DSCAM: variants seen among roughly 807,000 people sequenced by gnomAD.
DSCAM encodes the protein DS cell adhesion molecule, also known as cell adhesion molecule DSCAM.
DSCAM carries 47 observed loss-of-function variants against 217.7 expected under a neutral mutation model. That is an observed-to-expected ratio of 0.22 (90% CI 0.17 to 0.28). The LOEUF (loss-of-function observed/expected upper bound fraction) is 0.28. Ranked by LOEUF, DSCAM falls within the 10% of genes least tolerant of loss-of-function variation. DSCAM has a pLI of 1.00. For missense variants in DSCAM, 2,080 were observed against 2,618.3 expected (o/e 0.79, Z 4.49); for synonymous variants, 1,056 against 1,015.3 (o/e 1.04, Z -0.76).
intron 3 of DSCAM, among the ~76,000 whole-genome samples, chr21:40,428,024 C>T (rs1387658504): frequency 6.6e-6 from 1 of 152,208 alleles, no homozygotes; most frequent in Non-Finnish European, 1.5e-5. Context: ...TCTGGGAGAG[C>T]TCCATCTTTC....
intron 3 of DSCAM, among the ~76,000 whole-genome samples, chr21:40,537,871 A>G (rs1183994530): frequency 6.6e-6 from 1 of 152,184 alleles, no homozygotes; most frequent in East Asian, 1.9e-4. Context: ...TCCTTACAGC[A>G]GCCCCAACAA....
At chr21:40,108,781 G>C (rs1254424113) in intron 20 of DSCAM, among the ~76,000 whole-genome samples, 1 of 152,140 alleles carries the variant, frequency 6.6e-6, no homozygotes, top group Admixed American at 6.5e-5. Context: ...AAAACAGCAT[G>C]GTTCTGGTAC....
Position 40,178,970 on chromosome 21 carries a change from C to T in DSCAM, c.2904G>A (p.Lys968=). 1 of 1,614,078 alleles carries T rather than the reference C, an allele frequency of 6.2e-7. No individual in the cohort carries two copies. Among genetic ancestry groups the T allele is most frequent in the Non-Finnish European group, 8.5e-7 (1 of 1,180,012 alleles). Reference sequence around the variant, plus strand: ...TGGTGAGCTCGTTGCTGGGCTCGCTCTTGCCAATCCGGTTCTTGGCGTACA... The same window carrying T: ...TGGTGAGCTCGTTGCTGGGCTCGCTTTTGCCAATCCGGTTCTTGGCGTACA... ...IRMYAKNRIG[K]SEPSNELTIT... The change falls in exon 15 of 33, where the codon AAG becomes AAA. Residue 968 remains lysine (K), a synonymous_variant. Transcript: ENST00000400454.
intron 11 of DSCAM, among the ~76,000 whole-genome samples, chr21:40,234,848 C>T (rs1554922): frequency 0.51 from 77,135 of 151,870 alleles, 20,573 homozygotes; most frequent in African/African-American, 0.68. Flanking sequence ...TATGTATCCC[C>T]GAAGCCCAGG....
chr21:40,362,358 C>G (rs1326469882), intron 4 of DSCAM, among the ~76,000 whole-genome samples: 1 of 152,076 alleles, frequency 6.6e-6, no homozygotes, highest in Non-Finnish European at 1.5e-5. Context: ...TTAACTTGTT[C>G]CGTTATTGCC....
intron 3 of DSCAM, among the ~76,000 whole-genome samples, chr21:40,602,864 G>A (rs1386291899): frequency 6.6e-6 from 1 of 151,704 alleles, no homozygotes; most frequent in African/African-American, 2.4e-5. Flanking sequence ...TCTTTCTTCT[G>A]CTTGTTTTAG....
chr21:40,165,219 CATAA>C (rs1346082155), intron 16 of DSCAM, among the ~76,000 whole-genome samples: 1 of 152,146 alleles, frequency 6.6e-6, no homozygotes, highest in East Asian at 1.9e-4. Context: ...AATTTTATGC[CATAA>C]ATAAAGGCAT....
At chr21:40,844,887 A>T (rs1392214709) in intron 1 of DSCAM, among the ~76,000 whole-genome samples, 1 of 152,128 alleles carries the variant, frequency 6.6e-6, no homozygotes, top group Non-Finnish European at 1.5e-5. Context: ...ACACTTCCCA[A>T]TGGGGTGCAA....
chr21:40,485,306 G>A (rs557699855), intron 3 of DSCAM, among the ~76,000 whole-genome samples: 7 of 144,826 alleles, frequency 4.8e-5, no homozygotes, highest in South Asian at 2.2e-4. Flanking sequence ...GCAGTGGCGC[G>A]ATCTCGGCTC....
chr21:40,137,596 C>CACACACACACACAT (rs1258768034), intron 18 of DSCAM, among the ~76,000 whole-genome samples: 275 of 5,486 alleles, frequency 0.05, 3 homozygotes, highest in African/African-American at 0.067. Flanking sequence ...CTGTTTAATA[C>CACACACACACACAT]ACACACACAC....
At chr21:40,640,572 G>A (rs575571578) in intron 3 of DSCAM, among the ~76,000 whole-genome samples, 3 of 152,152 alleles carry the variant, frequency 2.0e-5, no homozygotes, top group African/African-American at 7.2e-5. Context: ...TTTAGCTAAT[G>A]GATAACCGAT....
intron 4 of DSCAM, among the ~76,000 whole-genome samples, chr21:40,361,613 A>G (rs2074766168): frequency 6.6e-6 from 1 of 151,408 alleles, no homozygotes; most frequent in Non-Finnish European, 1.5e-5. Flanking sequence ...GTGAGACTCC[A>G]TCTCAAAAAC....
intron 11 of DSCAM, among the ~76,000 whole-genome samples, chr21:40,215,903 G>C (rs957039669): frequency 6.7e-6 from 1 of 148,342 alleles, no homozygotes; most frequent in African/African-American, 2.5e-5. Flanking sequence ...TCTACATTCT[G>C]TATAAAAAAG....
At chr21:40,484,355 G>A (rs1442258430) in intron 3 of DSCAM, among the ~76,000 whole-genome samples, 2 of 152,138 alleles carry the variant, frequency 1.3e-5, no homozygotes, top group Non-Finnish European at 2.9e-5. Context: ...CAGAGATAGA[G>A]GTTAACTGAT....
intron 10 of DSCAM, among the ~76,000 whole-genome samples, chr21:40,291,671 T>C (rs952551021): frequency 1.3e-5 from 2 of 152,172 alleles, no homozygotes; most frequent in Admixed American, 6.5e-5. Context: ...ACAGGACTCA[T>C]CTGTCTTTAA....
intron 11 of DSCAM, among the ~76,000 whole-genome samples, chr21:40,228,549 A>T (rs746620170): frequency 2.0e-5 from 3 of 151,982 alleles, no homozygotes; most frequent in Non-Finnish European, 2.9e-5. Context: ...AGATTTAACC[A>T]CTGGGAACTC....
At chr21:40,589,577 A>G (rs1291041459) in intron 3 of DSCAM, among the ~76,000 whole-genome samples, 3 of 152,232 alleles carry the variant, frequency 2.0e-5, no homozygotes, top group African/African-American at 7.2e-5. Flanking sequence ...CTCCATCTCC[A>G]AAAAGAAAAG....
intron 9 of DSCAM, among the ~76,000 whole-genome samples, chr21:40,304,192 C>T (rs2074046624): frequency 6.6e-6 from 1 of 152,096 alleles, no homozygotes; most frequent in Admixed American, 6.5e-5. Flanking sequence ...TTCAAGACAA[C>T]AGCTAATTTA....
Position 40,189,100 on chromosome 21 carries a change from A to G in DSCAM, c.2495T>C (p.Met832Thr), listed in dbSNP as rs181818381. The G allele has an allele frequency of 2.5e-6, 4 of 1,614,144 alleles. No homozygotes were observed. The Admixed American group carries it at 5.0e-5, about 20-fold the overall frequency. The part of the protein sequence containing the change: ...EKEDRIINPE[M>T]ARYLVSTKEV... ...CTTGGTGGACACAAGATAACGGGCC[A>G]TCTCAGGGTTAATGATTCGGTCCTC... Residue 832 changes from methionine to threonine, a missense_variant, in exon 12 of 33, where the codon ATG becomes ACG. Physicochemically the swap from Met to Thr is moderately conservative, Grantham distance 81 (BLOSUM62 -1). Coordinates refer to ENST00000400454, the MANE Select transcript of DSCAM (RefSeq NM_001389.5).
Sources: gnomAD v4.1 joint callset for allele counts (sites outside exome capture counted in the v4.1 genomes callset) on GRCh38, gnomAD v4.1.1 for gene constraint, MANE v1.5 for transcripts, NCBI Gene and HGNC (gene_info 2026-07-23, HGNC 2026-07-21) for gene names.